Variants in GABRA3 observed in about 807,000 individuals in gnomAD.
GABRA3 encodes gamma-aminobutyric acid receptor subunit alpha-3.
Under a neutral mutation model 30.1 loss-of-function variants are expected in GABRA3, and 10 were observed. The ratio of observed to expected loss-of-function variants is 0.33; its 90% confidence interval spans 0.20 to 0.56. GABRA3 has a LOEUF of 0.56. GABRA3 is among the 20% of genes least tolerant of loss of function. The probability of loss-of-function intolerance (pLI) is 0.89; values close to 1 mark genes in which losing one functional copy is unlikely to be tolerated. For synonymous variants in GABRA3, 151 were observed against 146.8 expected (o/e 1.03, Z -0.21); for missense variants, 233 against 392.0 (o/e 0.59, Z 3.42).
chrX:152,259,487 G>A (rs770049378), intron 4 of GABRA3, among the ~76,000 whole-genome samples: 33 of 111,203 alleles, frequency 3.0e-4, no homozygotes, highest in Non-Finnish European at 6.0e-4. Flanking sequence ...CCTTCCACTC[G>A]AGTAGAGGAG....
chrX:152,366,451 G>C (rs1395562931), intron 1 of GABRA3, among the ~76,000 whole-genome samples: 1 of 111,938 alleles, frequency 8.9e-6, no homozygotes, highest in African/African-American at 3.2e-5. Flanking sequence ...TGTGTGTTCA[G>C]CTATGCTATT....
At chrX:152,197,528 G>C in intron 8 of GABRA3, 105 bp downstream of exon 8, 1 of 736,976 alleles carries the variant, frequency 1.4e-6, no homozygotes, top group Non-Finnish European at 1.9e-6. Flanking sequence ...GCTAGGCACA[G>C]GAATTTCTCC....
At chrX:152,288,569 G>A (rs190881567) in intron 3 of GABRA3, among the ~76,000 whole-genome samples, 4 of 112,274 alleles carry the variant, frequency 3.6e-5, no homozygotes, top group Admixed American at 2.8e-4. Flanking sequence ...CAAATGGGCA[G>A]AACTCACACA....
chrX:152,256,570 C>G (rs1387083362), intron 4 of GABRA3, among the ~76,000 whole-genome samples: 1 of 111,397 alleles, frequency 9.0e-6, no homozygotes, highest in African/African-American at 3.3e-5. Flanking sequence ...AAATGAACAG[C>G]AAAGTCATGA....
At chrX:152,417,212 G>A (rs1314805444) in intron 1 of GABRA3, among the ~76,000 whole-genome samples, 20 of 96,144 alleles carry the variant, frequency 2.1e-4, no homozygotes, top group East Asian at 1.1e-3. Context: ...AAAAGTGGGC[G>A]AAGGACATGA....
chrX:152,345,642 G>A lies in GABRA3; in HGVS notation c.201C>T (p.Phe67=). 8.3e-7 allele frequency: 1 copy of A among 1,208,509 alleles called. No homozygotes were observed. The highest frequency in any genetic ancestry group is 1.1e-6 in the Non-Finnish European group (1 of 893,308). Residue 67 remains phenylalanine, a synonymous_variant, in exon 3 of 10, where the codon TTC becomes TTT. Coordinates refer to ENST00000370314, the MANE Select transcript of GABRA3 (RefSeq NM_000808.4). Reference sequence around the variant, plus strand: ...CCAGAAGACGATCCAAGATTCTGGTGAAGATAGTGATGTTGTCAGTGCTGT... The same window carrying A: ...CCAGAAGACGATCCAAGATTCTGGTAAAGATAGTGATGTTGTCAGTGCTGT... The part of the protein sequence containing the change: ...PDDSTDNITI[F]TRILDRLLDG...
intron 5 of GABRA3, among the ~76,000 whole-genome samples, chrX:152,242,483 T>C (rs1938396471): frequency 8.9e-6 from 1 of 111,826 alleles, no homozygotes; most frequent in South Asian, 3.7e-4. Context: ...AGATAACCTA[T>C]GGAACGGGAG....
chrX:152,410,724 G>A (rs1367247971), intron 1 of GABRA3, among the ~76,000 whole-genome samples: 1 of 111,005 alleles, frequency 9.0e-6, no homozygotes, highest in Non-Finnish European at 1.9e-5. Context: ...AATCTCCACA[G>A]TGAACACAGT....
At chrX:152,324,707 A>G (rs1201976966) in intron 3 of GABRA3, among the ~76,000 whole-genome samples, 3 of 111,974 alleles carry the variant, frequency 2.7e-5, no homozygotes, top group Non-Finnish European at 5.6e-5. Context: ...TAAAAATTAT[A>G]GTCAATACAT....
At chrX:152,214,161 G>A (rs1034732990) in intron 6 of GABRA3, among the ~76,000 whole-genome samples, 1 of 111,252 alleles carries the variant, frequency 9.0e-6, no homozygotes, top group Admixed American at 9.6e-5. Flanking sequence ...CCACTTATAA[G>A]TGAGAATATG....
chrX:152,306,709 A>G (rs1462027182), intron 3 of GABRA3, among the ~76,000 whole-genome samples: 2 of 112,201 alleles, frequency 1.8e-5, no homozygotes, highest in African/African-American at 6.5e-5. Flanking sequence ...GTTAGAAAAA[A>G]CAAAACAAAA....
chrX:152,264,292 C>T (rs368486527), intron 4 of GABRA3, among the ~76,000 whole-genome samples: 1 of 111,409 alleles, frequency 9.0e-6, no homozygotes, highest in African/African-American at 3.3e-5. Flanking sequence ...AAGACATAGA[C>T]AGTAGAATAA....
intron 5 of GABRA3, among the ~76,000 whole-genome samples, chrX:152,253,659 A>G (rs1292687926): frequency 8.9e-6 from 1 of 111,808 alleles, no homozygotes; most frequent in African/African-American, 3.2e-5. Flanking sequence ...ATCTAATTCC[A>G]GTCTTTTTAC....
chrX:152,424,012 A>G (rs1264958751), intron 1 of GABRA3, among the ~76,000 whole-genome samples: 1 of 111,775 alleles, frequency 8.9e-6, no homozygotes, highest in Non-Finnish European at 1.9e-5. Flanking sequence ...TAGCTATTTT[A>G]GGGTTGTGGG....
Position 152,254,620 on chromosome X carries a change from T to C in GABRA3, c.551+1158A>G, listed in dbSNP as rs190106879. The stretch of plus-strand genomic sequence containing the variant: ...CATCCAACTTCTCTCTGAAGTATTA[T>C]CCTTTTTTCCTTGACCATCTCCTCA... On this transcript the variant is annotated intron_variant, in intron 5 of 9. Transcript: ENST00000370314. Among the ~76,000 whole-genome samples, 213 of 111,538 alleles carry C rather than the reference T, an allele frequency of 1.9e-3. 1 individual carries two copies. The highest frequency in any genetic ancestry group is 6.6e-3 in the African/African-American group (204 of 30,749).
At chrX:152,177,434 TG>T in intron 9 of GABRA3, among the ~76,000 whole-genome samples, 1 of 111,437 alleles carries the variant, frequency 9.0e-6, no homozygotes, top group Middle Eastern at 4.6e-3. Flanking sequence ...TGACCAAGGA[TG>T]ACACAGAGGC....
rs191757752 is a variant in GABRA3 at position 152,199,090 on chromosome X, C to T, written c.779-1305G>A. ...TAAAAAGCAGGCAGAGGGCTGGGTG[C>T]GGTGGCTCAAGCCTGCCTGTAATCC... On this transcript the variant is annotated intron_variant, in intron 7 of 9. Transcript: ENST00000370314. 2.3e-3 allele frequency among the ~76,000 whole-genome samples: 254 copies of T among 111,218 alleles called. 1 individual carries two copies. The East Asian group carries it at 0.049, about 21-fold the overall frequency.
intron 2 of GABRA3, among the ~76,000 whole-genome samples, chrX:152,363,188 G>A (rs1914882584): frequency 8.9e-6 from 1 of 111,785 alleles, no homozygotes; most frequent in South Asian, 3.7e-4. Context: ...AACACCTGAG[G>A]GGTGAACAAA....
chrX:152,273,504 A>C, intron 4 of GABRA3, among the ~76,000 whole-genome samples: 1 of 112,456 alleles, frequency 8.9e-6, no homozygotes, highest in Non-Finnish European at 1.9e-5. Flanking sequence ...TGATTGCAGC[A>C]CTATTCACAA....
Sources: gnomAD v4.1 joint callset for allele counts (sites outside exome capture counted in the v4.1 genomes callset) on GRCh38, gnomAD v4.1.1 for gene constraint, MANE v1.5 for transcripts, NCBI Gene and HGNC (gene_info 2026-07-23, HGNC 2026-07-21) for gene names.